LINC00305: variants seen among roughly 807,000 people sequenced by gnomAD.
LINC00305 encodes the protein long independently transcribed non-coding RNA 305.
At chr18:64,080,947 A>G (rs1174115735) in intron 3 of LINC00305, among the ~76,000 whole-genome samples, 1 of 152,232 alleles carries the variant, frequency 6.6e-6, no homozygotes, top group Non-Finnish European at 1.5e-5. Flanking sequence ...TAAAAACAAC[A>G]GTATCTAGTC....
intron 1 of LINC00305, among the ~76,000 whole-genome samples, chr18:64,142,134 C>T (rs1177008358): frequency 9.2e-5 from 14 of 152,110 alleles, no homozygotes; most frequent in Admixed American, 9.2e-4. Flanking sequence ...TGGGGTGGCT[C>T]AACATTTTCC....
intron 3 of LINC00305, among the ~76,000 whole-genome samples, chr18:64,093,520 G>A (rs2051232949): frequency 6.6e-6 from 1 of 152,096 alleles, no homozygotes; most frequent in South Asian, 2.1e-4. Context: ...TTTTTATAGA[G>A]ATGGTGTTTC....
intron 3 of LINC00305, among the ~76,000 whole-genome samples, chr18:64,092,774 T>C (rs531947730): frequency 1.3e-5 from 2 of 152,322 alleles, no homozygotes; most frequent in South Asian, 4.1e-4. Context: ...GCAAGACTTG[T>C]TCTCCCTATT....
intron 1 of LINC00305, among the ~76,000 whole-genome samples, chr18:64,123,786 G>T (rs1221661648): frequency 2.6e-5 from 4 of 152,062 alleles, no homozygotes; most frequent in Admixed American, 6.6e-5. Context: ...AGGTATTTGG[G>T]TCATGTGGGT....
At chr18:64,119,349 G>A (rs2051351735) in intron 1 of LINC00305, among the ~76,000 whole-genome samples, 1 of 152,128 alleles carries the variant, frequency 6.6e-6, no homozygotes, top group Admixed American at 6.6e-5. Flanking sequence ...TGATTAAATA[G>A]AAATTCTGAG....
intron 1 of LINC00305, among the ~76,000 whole-genome samples, chr18:64,125,559 A>AT (rs887837686): frequency 1.3e-5 from 2 of 151,708 alleles, no homozygotes; most frequent in South Asian, 4.2e-4. Context: ...GTATGTCGCA[A>AT]TTTTTTTTTA....
At chr18:64,082,706 A>G (rs991023557) in intron 3 of LINC00305, among the ~76,000 whole-genome samples, 2 of 152,052 alleles carry the variant, frequency 1.3e-5, no homozygotes, top group South Asian at 4.1e-4. Context: ...CACACTAACT[A>G]TATTATCTTG....
intron 1 of LINC00305, among the ~76,000 whole-genome samples, chr18:64,125,254 TAGC>T (rs1167893817): frequency 6.6e-6 from 1 of 152,090 alleles, no homozygotes; most frequent in Non-Finnish European, 1.5e-5. Context: ...ACCCTGCCTT[TAGC>T]ACTCAGCTTC....
intron 1 of LINC00305, among the ~76,000 whole-genome samples, chr18:64,146,957 G>T (rs1296189045): frequency 6.6e-6 from 1 of 152,088 alleles, no homozygotes; most frequent in Non-Finnish European, 1.5e-5. Context: ...CAATTTGTAT[G>T]TTTTTCAGAA....
At chr18:64,090,372 T>C (rs573001095) in intron 3 of LINC00305, among the ~76,000 whole-genome samples, 8 of 152,198 alleles carry the variant, frequency 5.3e-5, no homozygotes, top group Non-Finnish European at 1.0e-4. Flanking sequence ...TACTTGATAA[T>C]AAAATTCTCC....
chr18:64,108,762 G>T (rs2051302515), intron 1 of LINC00305, among the ~76,000 whole-genome samples: 1 of 152,108 alleles, frequency 6.6e-6, no homozygotes, highest in African/African-American at 2.4e-5. Context: ...CCAAACAAGT[G>T]TACAGTTGGC....
intron 3 of LINC00305, among the ~76,000 whole-genome samples, chr18:64,087,056 C>T (rs2051206179): frequency 6.6e-6 from 1 of 152,102 alleles, no homozygotes; most frequent in African/African-American, 2.4e-5. Context: ...ATATTGTTCT[C>T]CATTGATTAA....
At chr18:64,087,354 T>C (rs1599204370) in intron 3 of LINC00305, among the ~76,000 whole-genome samples, 1 of 152,228 alleles carries the variant, frequency 6.6e-6, no homozygotes, top group South Asian at 2.1e-4. Context: ...TTCTCTGAAT[T>C]GGAATCATCA....
intron 3 of LINC00305, among the ~76,000 whole-genome samples, chr18:64,097,446 A>G (rs2051249107): frequency 6.6e-6 from 1 of 152,158 alleles, no homozygotes; most frequent in Admixed American, 6.5e-5. Flanking sequence ...TTAGAAATAC[A>G]ACTTACTGTA....
At chr18:64,108,523 A>T (rs1467468862) in intron 1 of LINC00305, among the ~76,000 whole-genome samples, 1 of 152,328 alleles carries the variant, frequency 6.6e-6, no homozygotes, top group Admixed American at 6.5e-5. Flanking sequence ...GTCTATTCCC[A>T]TTCCTTGGTC....
intron 1 of LINC00305, among the ~76,000 whole-genome samples, chr18:64,106,570 C>A (rs2051291785): frequency 6.6e-6 from 1 of 152,136 alleles, no homozygotes; most frequent in Non-Finnish European, 1.5e-5. Context: ...ATGACACTTG[C>A]AAAATGCCTC....
rs1343816593 is a variant in LINC00305 at position 64,143,665 on chromosome 18, T to TATGCGTAC, written n.314+5109_314+5110insGTACGCAT. On this transcript the variant is annotated intron_variant and non_coding_transcript_variant, in intron 1 of 3. Coordinates refer to ENST00000666468, the Ensembl canonical transcript of LINC00305. ...TGTATACATATGTATGTACACGTAT[T>TATGCGTAC]ATGTATACATATGTATGTCCACATA... Among the ~76,000 whole-genome samples, 100 of 146,232 alleles carry TATGCGTAC rather than the reference T, an allele frequency of 6.8e-4. 12 individuals carry two copies. The highest frequency in any genetic ancestry group is 2.6e-3 in the African/African-American group (95 of 37,000).
chr18:64,087,876 G>A (rs2051209365), intron 3 of LINC00305, among the ~76,000 whole-genome samples: 1 of 151,980 alleles, frequency 6.6e-6, no homozygotes, highest in Admixed American at 6.5e-5. Context: ...TGGATCACAA[G>A]GTCAGGAGAT....
intron 1 of LINC00305, among the ~76,000 whole-genome samples, chr18:64,125,538 A>G (rs1170953713): frequency 2.0e-5 from 3 of 152,150 alleles, no homozygotes; most frequent in Non-Finnish European, 4.4e-5. Context: ...ATGTTTAATG[A>G]GATACATTAA....
Sources: gnomAD v4.1 joint callset for allele counts (sites outside exome capture counted in the v4.1 genomes callset) on GRCh38, gnomAD v4.1.1 for gene constraint, MANE v1.5 for transcripts, NCBI Gene and HGNC (gene_info 2026-07-23, HGNC 2026-07-21) for gene names.